The following TMSB15B variants were observed in gnomAD, a reference collection of about 807,000 sequenced individuals.
TMSB15B encodes the protein thymosin beta-15B.
At chrX:103,939,003 G>A (rs1381208557) in intron 1 of TMSB15B, among the ~76,000 whole-genome samples, 1 of 112,183 alleles carries the variant, frequency 8.9e-6, no homozygotes, top group East Asian at 2.8e-4. Flanking sequence ...CTGGCTTGAA[G>A]GGTTTATGCT....
At chrX:103,937,270 TAG>T (rs2075000642) in intron 1 of TMSB15B, among the ~76,000 whole-genome samples, 1 of 112,123 alleles carries the variant, frequency 8.9e-6, no homozygotes, top group African/African-American at 3.2e-5. Context: ...GTACCTCTGG[TAG>T]AATTCGGCTG....
At chrX:103,921,460 T>A (rs185479204) in intron 1 of TMSB15B, among the ~76,000 whole-genome samples, 3 of 111,870 alleles carry the variant, frequency 2.7e-5, no homozygotes, top group East Asian at 5.6e-4. Flanking sequence ...AGAATAGGTG[T>A]CAGAGCTCGG....
intron 1 of TMSB15B, among the ~76,000 whole-genome samples, chrX:103,942,573 T>C (rs2075015245): frequency 8.9e-6 from 1 of 112,113 alleles, no homozygotes; most frequent in Admixed American, 9.5e-5. Flanking sequence ...CTCATTCTTA[T>C]TCCTCAAGAG....
intron 1 of TMSB15B, among the ~76,000 whole-genome samples, chrX:103,933,700 C>T (rs1282496636): frequency 1.2e-4 from 13 of 111,803 alleles, no homozygotes; most frequent in African/African-American, 4.2e-4. Context: ...TTGTGATACT[C>T]ATCGATATTG....
intron 1 of TMSB15B, chrX:103,928,924 A>G: frequency 1.7e-6 from 2 of 1,206,611 alleles, no homozygotes; most frequent in Non-Finnish European, 1.1e-6. Flanking sequence ...CTCCCTGGTC[A>G]TCCTAAGGTC....
chrX:103,936,980 T>TACAAG (rs2074999865), intron 1 of TMSB15B, among the ~76,000 whole-genome samples: 4 of 112,393 alleles, frequency 3.6e-5, no homozygotes, highest in African/African-American at 1.3e-4. Flanking sequence ...TTTATTGATT[T>TACAAG]GCGTGTGTTG....
chrX:103,937,041 C>A (rs1356325559), intron 1 of TMSB15B, among the ~76,000 whole-genome samples: 1 of 111,996 alleles, frequency 8.9e-6, no homozygotes, highest in Non-Finnish European at 1.9e-5. Flanking sequence ...AGTGGATAAG[C>A]TTTTTGATGT....
intron 1 of TMSB15B, among the ~76,000 whole-genome samples, chrX:103,920,274 G>A (rs1251557970): frequency 9.0e-6 from 1 of 111,269 alleles, no homozygotes; most frequent in Non-Finnish European, 1.9e-5. Context: ...GTAAAAAGTG[G>A]GCTGCCTCAG....
At chrX:103,949,094 A>G (rs2075032749) in intron 1 of TMSB15B, among the ~76,000 whole-genome samples, 2 of 110,937 alleles carry the variant, frequency 1.8e-5, no homozygotes, top group African/African-American at 3.3e-5. Context: ...GGAGGAACAG[A>G]CATTGCTATG....
chrX:103,943,973 T>C (rs112360968), intron 1 of TMSB15B, among the ~76,000 whole-genome samples: 9 of 112,072 alleles, frequency 8.0e-5, no homozygotes, highest in Middle Eastern at 4.6e-3. Flanking sequence ...AATTATAATA[T>C]TAGATTTAGA....
intron 1 of TMSB15B, among the ~76,000 whole-genome samples, chrX:103,955,023 A>G (rs1198227455): frequency 2.7e-5 from 3 of 111,604 alleles, no homozygotes; most frequent in African/African-American, 9.8e-5. Context: ...CATGCAGTCC[A>G]GGGGTTGGGA....
chrX:103,944,953 T>C (rs2147823801), intron 1 of TMSB15B, among the ~76,000 whole-genome samples: 1 of 111,634 alleles, frequency 9.0e-6, no homozygotes, highest in African/African-American at 3.3e-5. Context: ...GGCTTTTGTA[T>C]TTTTAGTAAA....
At chrX:103,932,342 C>T (rs186444903) in intron 1 of TMSB15B, 2 of 111,537 alleles carry the variant, frequency 1.8e-5, no homozygotes, top group East Asian at 5.6e-4. Flanking sequence ...GGAGTACACC[C>T]AGCTGGTGTT....
chrX:103,928,728 G>A, intron 1 of TMSB15B: 1 of 1,167,314 alleles, frequency 8.6e-7, no homozygotes, highest in South Asian at 1.8e-5. Flanking sequence ...TGGCCCATTG[G>A]GTTCCTGCCT....
intron 1 of TMSB15B, chrX:103,932,760 T>G (rs2074987909): frequency 8.9e-6 from 1 of 111,885 alleles, no homozygotes; most frequent in Admixed American, 9.5e-5. Flanking sequence ...ATGTCAATAT[T>G]AATATTTAGT....
chrX:103,939,376 C>G (rs1230961980), intron 1 of TMSB15B, among the ~76,000 whole-genome samples: 1 of 109,622 alleles, frequency 9.1e-6, no homozygotes, highest in Non-Finnish European at 1.9e-5. Context: ...TTTCTCTAAT[C>G]TCATCTTCAT....
chrX:103,935,387 T>G (rs1244008807), intron 1 of TMSB15B, among the ~76,000 whole-genome samples: 1 of 112,147 alleles, frequency 8.9e-6, no homozygotes, highest in Non-Finnish European at 1.9e-5. Context: ...TTTAATTGCT[T>G]TTTGCATTTT....
intron 1 of TMSB15B, among the ~76,000 whole-genome samples, chrX:103,926,983 C>T (rs1390838538): frequency 9.0e-6 from 1 of 110,857 alleles, no homozygotes; most frequent in Non-Finnish European, 1.9e-5. Context: ...TCCAGGGACC[C>T]CCTCTTTCCT....
At chrX:103,950,133 A>G (rs2075035302) in intron 1 of TMSB15B, among the ~76,000 whole-genome samples, 1 of 111,480 alleles carries the variant, frequency 9.0e-6, no homozygotes, top group African/African-American at 3.3e-5. Context: ...GTGGAGGTGG[A>G]CCCACAAATC....
Sources: allele counts gnomAD v4.1 joint callset (sites outside exome capture counted in the v4.1 genomes callset), GRCh38; gene constraint gnomAD v4.1.1; transcripts MANE v1.5; gene names NCBI Gene and HGNC (gene_info 2026-07-23, HGNC 2026-07-21).